The following FBXO10 variants were observed in gnomAD, a reference collection of about 807,000 sequenced individuals.
FBXO10 encodes the protein F-box only protein 10.
A neutral mutation model predicts 80.7 loss-of-function variants in FBXO10; 39 were observed. The observed-to-expected ratio is 0.48, with a 90% CI of 0.37 to 0.63. The LOEUF is 0.63. Among genes scored for constraint, FBXO10 ranks in the 30% least tolerant of loss-of-function variants. The pLI is 0.00. For synonymous variants in FBXO10, 449 were observed against 489.6 expected (o/e 0.92, Z 1.09); for missense variants, 1,025 against 1,269.0 (o/e 0.81, Z 2.92).
chr9:37,560,909 G>A (rs1158873052), intron 1 of FBXO10, among the ~76,000 whole-genome samples: 1 of 152,112 alleles, frequency 6.6e-6, no homozygotes, highest in South Asian at 2.1e-4. Context: ...TTGGGAGGCC[G>A]AGGCAGGCAG....
chr9:37,532,520 A>G (rs987667912), intron 3 of FBXO10, among the ~76,000 whole-genome samples: 5 of 150,996 alleles, frequency 3.3e-5, no homozygotes, highest in Non-Finnish European at 7.4e-5. Context: ...TAACTTTTCT[A>G]TTTTTTGTAG....
chr9:37,574,667 T>C (rs889916415), intron 1 of FBXO10, among the ~76,000 whole-genome samples: 1 of 152,194 alleles, frequency 6.6e-6, no homozygotes, highest in Admixed American at 6.5e-5. Context: ...CCTCTCTGTG[T>C]GCTCCTATCC....
intron 1 of FBXO10, among the ~76,000 whole-genome samples, chr9:37,563,460 A>T (rs1822530191): frequency 6.6e-6 from 1 of 152,176 alleles, no homozygotes; most frequent in African/African-American, 2.4e-5. Flanking sequence ...GAAAGTCTGG[A>T]ACTTCCTAGA....
chr9:37,523,837 A>G (rs1469626653), intron 6 of FBXO10, among the ~76,000 whole-genome samples: 1 of 152,234 alleles, frequency 6.6e-6, no homozygotes, highest in Non-Finnish European at 1.5e-5. Flanking sequence ...GAATCACTTG[A>G]ACCTGGGAGG....
At chr9:37,552,353 C>T (rs1187576519) in intron 1 of FBXO10, among the ~76,000 whole-genome samples, 1 of 152,204 alleles carries the variant, frequency 6.6e-6, no homozygotes, top group African/African-American at 2.4e-5. Flanking sequence ...TTAGTGCAAC[C>T]ATGTCGGAAT....
intron 1 of FBXO10, among the ~76,000 whole-genome samples, chr9:37,566,153 T>C (rs1822599964): frequency 6.6e-6 from 1 of 152,216 alleles, no homozygotes; most frequent in Non-Finnish European, 1.5e-5. Context: ...ATTCACACTC[T>C]AGTTTGGGCT....
At chr9:37,517,954 C>T (rs568834035) in intron 9 of FBXO10, among the ~76,000 whole-genome samples, 171 bp downstream of exon 9, 2 of 150,494 alleles carry the variant, frequency 1.3e-5, no homozygotes, top group African/African-American at 4.8e-5. Context: ...TCTCCGTCCC[C>T]CCCTGTGGGA....
intron 1 of FBXO10, among the ~76,000 whole-genome samples, chr9:37,542,361 T>C (rs1019739898): frequency 4.0e-5 from 6 of 151,854 alleles, no homozygotes; most frequent in African/African-American, 1.5e-4. Context: ...TTTGAGAGGC[T>C]GAGACAGGTG....
At chr9:37,557,616 C>T (rs1182870046) in intron 1 of FBXO10, among the ~76,000 whole-genome samples, 1 of 152,210 alleles carries the variant, frequency 6.6e-6, no homozygotes, top group Admixed American at 6.5e-5. Context: ...TCAGTGACTT[C>T]ACATATTACA....
chr9:37,528,967 A>G (rs539351801), intron 5 of FBXO10, among the ~76,000 whole-genome samples, 157 bp downstream of exon 5: 2 of 152,256 alleles, frequency 1.3e-5, no homozygotes, highest in Admixed American at 6.5e-5. Context: ...GGAAGGGCAC[A>G]TAAACACAAA....
At chr9:37,530,751 C>T (rs1821599498) in intron 4 of FBXO10, among the ~76,000 whole-genome samples, 1 of 152,138 alleles carries the variant, frequency 6.6e-6, no homozygotes, top group Admixed American at 6.5e-5. Context: ...TCCCACCTCC[C>T]ACCTCCGCCT....
rs944387420 is a variant in FBXO10, at chr9:37,541,715, C to T, written c.54G>A (p.Leu18=). 3.7e-6 allele frequency: 6 copies of T among 1,613,400 alleles called. No homozygotes were observed. The highest frequency in any genetic ancestry group is 5.1e-6 in the Non-Finnish European group (6 of 1,179,794). The change falls in exon 2 of 11, where the codon TTG becomes TTA. Residue 18 remains leucine (L), a synonymous_variant. Transcript: ENST00000432825. ...TGCAGCGGCCCAGGTCGGGAAGGTG[C>T]AAGTAGGCTAAGATCATGCGCCACA... ...LELWRMILAY[L]HLPDLGRCSL...
In FBXO10 at chr9:37,511,686, A is replaced by G. The variant is rs1366894353; in HGVS notation, c.*861T>C. The G allele has an allele frequency of 6.5e-6, 1 of 152,986 alleles. No individual in the cohort carries two copies. Among genetic ancestry groups the G allele is most frequent in the African/African-American group, 2.4e-5 (1 of 41,438 alleles). 9.5% of individuals were successfully genotyped at this position (152,986 alleles called of 1,614,324 possible). On this transcript the variant is annotated 3_prime_UTR_variant, in exon 11 of 11. Transcript: ENST00000432825. ...GGAAAGAGCATGAGCCAAGGCACAGAGTGGGGAGGCTTGGGAGGGTCAGTA... is the reference window on the plus strand; with the variant it reads ...GGAAAGAGCATGAGCCAAGGCACAGGGTGGGGAGGCTTGGGAGGGTCAGTA...
intron 8 of FBXO10, among the ~76,000 whole-genome samples, chr9:37,521,016 T>G (rs533556977): frequency 1.1e-4 from 16 of 152,250 alleles, no homozygotes; most frequent in Non-Finnish European, 2.4e-4. Context: ...AAGGGGGATA[T>G]TCACAACAGG....
chr9:37,554,933 A>C (rs1822298865), intron 1 of FBXO10, among the ~76,000 whole-genome samples: 1 of 152,138 alleles, frequency 6.6e-6, no homozygotes, highest in African/African-American at 2.4e-5. Context: ...GACACGTTTT[A>C]ATTTTTCTTG....
chr9:37,529,743 G>C (rs914281646), intron 4 of FBXO10, among the ~76,000 whole-genome samples: 8 of 152,216 alleles, frequency 5.3e-5, no homozygotes, highest in Admixed American at 4.6e-4. Context: ...CATTTAGGGA[G>C]GGCCAGCGGA....
intron 3 of FBXO10, among the ~76,000 whole-genome samples, chr9:37,533,884 A>AC (rs1821689807): frequency 1.3e-5 from 2 of 151,836 alleles, no homozygotes; most frequent in Non-Finnish European, 2.9e-5. Context: ...AAAAAAAAAA[A>AC]ACAAAAAAAA....
intron 1 of FBXO10, among the ~76,000 whole-genome samples, chr9:37,553,574 T>A (rs545152722): frequency 6.6e-4 from 100 of 152,088 alleles, no homozygotes; most frequent in African/African-American, 2.4e-3. Context: ...AAAATGTTCA[T>A]TGAGAAAATT....
At chr9:37,524,976 C>G in intron 6 of FBXO10, 126 bp downstream of exon 6, 1 of 799,448 alleles carries the variant, frequency 1.3e-6, no homozygotes, top group Non-Finnish European at 2.0e-6. Context: ...TGAGCTCCAG[C>G]CCACCAGTCA....
Sources: gnomAD v4.1 joint callset for allele counts (sites outside exome capture counted in the v4.1 genomes callset) on GRCh38, gnomAD v4.1.1 for gene constraint, MANE v1.5 for transcripts, NCBI Gene and HGNC (gene_info 2026-07-23, HGNC 2026-07-21) for gene names.